TPD52: variants seen among roughly 807,000 people sequenced by gnomAD.
TPD52 encodes the protein tumor protein D52.
TPD52 carries 17 observed loss-of-function variants against 31.3 expected under a neutral mutation model. The ratio of observed to expected loss-of-function variants is 0.54; its 90% CI spans 0.37 to 0.82. TPD52 has a LOEUF of 0.82. Ranked by LOEUF, TPD52 falls within the 40% of genes least tolerant of loss-of-function variation. The pLI, the probability that TPD52 is intolerant of heterozygous loss-of-function variation, is 0.00. For missense variants in TPD52, 212 were observed against 240.1 expected (o/e 0.88, Z 0.77); for synonymous variants, 83 against 89.6 (o/e 0.93, Z 0.42).
At chr8:80,154,737 ACACACACACACACAC>A (rs1563666325) in intron 1 of TPD52, among the ~76,000 whole-genome samples, 1 of 141,004 alleles carries the variant, frequency 7.1e-6, no homozygotes, top group East Asian at 2.0e-4. Context: ...ACACACACAC[ACACACACACACACAC>A]AAAACACCTA....
intron 1 of TPD52, among the ~76,000 whole-genome samples, chr8:80,149,481 G>T (rs979881645): frequency 2.6e-5 from 4 of 152,130 alleles, no homozygotes; most frequent in African/African-American, 9.7e-5. Context: ...CTAATAAATT[G>T]GCACTGGTAT....
chr8:80,127,379 T>A (rs1033054605), intron 1 of TPD52, among the ~76,000 whole-genome samples: 1 of 152,212 alleles, frequency 6.6e-6, no homozygotes, highest in Admixed American at 6.5e-5. Context: ...TTGACAATCA[T>A]TGTATAAATG....
At chr8:80,066,288 A>C (rs993552609) in intron 1 of TPD52, among the ~76,000 whole-genome samples, 1 of 152,210 alleles carries the variant, frequency 6.6e-6, no homozygotes, top group African/African-American at 2.4e-5. Context: ...GATTAATAGC[A>C]GTTAATAATT....
chr8:80,092,156 G>C (rs1302947861), intron 1 of TPD52, among the ~76,000 whole-genome samples: 1 of 152,134 alleles, frequency 6.6e-6, no homozygotes, highest in Non-Finnish European at 1.5e-5. Flanking sequence ...CGTCATTTCT[G>C]TGTGTTGGCA....
At chr8:80,169,764 T>G (rs927953341) in intron 1 of TPD52, among the ~76,000 whole-genome samples, 3 of 152,136 alleles carry the variant, frequency 2.0e-5, no homozygotes, top group Admixed American at 2.0e-4. Context: ...CAGACAGACA[T>G]AATGCTGACT....
At chr8:80,122,704 T>G (rs891337608) in intron 1 of TPD52, 2 of 152,254 alleles carry the variant, frequency 1.3e-5, no homozygotes, top group East Asian at 3.8e-4. Context: ...TGTAATACAG[T>G]GCTTAATAAA....
chr8:80,133,064 T>C (rs1809137282), intron 1 of TPD52, among the ~76,000 whole-genome samples: 1 of 152,220 alleles, frequency 6.6e-6, no homozygotes, highest in Non-Finnish European at 1.5e-5. Flanking sequence ...GTTCAAATCC[T>C]GGCTCCAACA....
intron 1 of TPD52, among the ~76,000 whole-genome samples, chr8:80,118,982 G>A (rs1808060269): frequency 6.6e-6 from 1 of 152,074 alleles, no homozygotes; most frequent in Non-Finnish European, 1.5e-5. Flanking sequence ...ATATACACAA[G>A]TATTCAAAGT....
chr8:80,166,393 C>T (rs57696155), intron 1 of TPD52, among the ~76,000 whole-genome samples: 2 of 151,664 alleles, frequency 1.3e-5, no homozygotes, highest in Non-Finnish European at 2.9e-5. Context: ...CCACCACACC[C>T]GGCTAATTTT....
intron 1 of TPD52, among the ~76,000 whole-genome samples, chr8:80,110,656 G>A (rs1173484834): frequency 6.6e-6 from 1 of 150,774 alleles, no homozygotes. Context: ...GACTAGGGTA[G>A]GGTAGCTCTT....
downstream of TPD52, among the ~76,000 whole-genome samples, chr8:80,031,196 T>A (rs188436643): frequency 3.9e-5 from 6 of 152,358 alleles, no homozygotes; most frequent in African/African-American, 1.2e-4. Context: ...CATTTGCAAG[T>A]ACTTCGAGAG....
At chr8:80,130,993 T>G (rs1002074477) in intron 1 of TPD52, among the ~76,000 whole-genome samples, 4 of 152,182 alleles carry the variant, frequency 2.6e-5, no homozygotes, top group Non-Finnish European at 5.9e-5. Flanking sequence ...CTTTCTCAAG[T>G]GCATAGGGTA....
chr8:80,119,077 T>C (rs1394618635), intron 1 of TPD52, among the ~76,000 whole-genome samples: 1 of 152,230 alleles, frequency 6.6e-6, no homozygotes, highest in Non-Finnish European at 1.5e-5. Flanking sequence ...GGGAATATTA[T>C]TCAGCAATAA....
chr8:80,060,861 C>T (rs1004809672), intron 2 of TPD52, among the ~76,000 whole-genome samples: 3 of 151,898 alleles, frequency 2.0e-5, no homozygotes, highest in Non-Finnish European at 4.4e-5. Context: ...TAATATCATA[C>T]TTATGGTTAA....
intron 1 of TPD52, 43 bp from the exon 2 acceptor site, chr8:80,064,636 G>C: frequency 6.9e-7 from 1 of 1,450,370 alleles, no homozygotes; most frequent in Non-Finnish European, 9.7e-7. Flanking sequence ...CAAAATCTAA[G>C]TAAAATCCCT....
chr8:80,154,993 GGTTTTTT>G (rs1810854140), intron 1 of TPD52, among the ~76,000 whole-genome samples: 1 of 135,816 alleles, frequency 7.4e-6, no homozygotes, highest in Non-Finnish European at 1.5e-5. Context: ...TTGTGTTTTT[GGTTTTTT>G]GTTTTTTTTT....
chr8:80,119,849 C>A, intron 1 of TPD52: 1 of 418,790 alleles, frequency 2.4e-6, no homozygotes, highest in Non-Finnish European at 4.7e-6. Flanking sequence ...AAATCTTTCC[C>A]TAATTCAAGC....
chr8:80,076,638 G>A (rs1437371872), intron 1 of TPD52, among the ~76,000 whole-genome samples: 3 of 151,962 alleles, frequency 2.0e-5, no homozygotes, highest in Non-Finnish European at 2.9e-5. Context: ...CATATAAGAA[G>A]CCTGTACATG....
chr8:80,108,530 T>C (rs557340160), intron 1 of TPD52, among the ~76,000 whole-genome samples: 35 of 152,342 alleles, frequency 2.3e-4, no homozygotes, highest in Admixed American at 5.9e-4. Context: ...CTAAAAGCAT[T>C]TGCAATCAGC....
Sources: allele counts gnomAD v4.1 joint callset (sites outside exome capture counted in the v4.1 genomes callset), GRCh38; gene constraint gnomAD v4.1.1; transcripts MANE v1.5; gene names NCBI Gene and HGNC (gene_info 2026-07-23, HGNC 2026-07-21).